IGSF10: variants seen among roughly 807,000 people sequenced by gnomAD.
IGSF10 encodes immunoglobulin superfamily member 10.
Under a neutral mutation model 128.2 loss-of-function variants are expected in IGSF10, and 126 were observed. The observed-to-expected ratio is 0.98, with a 90% CI of 0.85 to 1.14. IGSF10 has a LOEUF of 1.14. Among genes scored for constraint, IGSF10 ranks in the 50% most tolerant of loss-of-function variants. The pLI is 0.00. For missense variants in IGSF10, 3,295 were observed against 3,149.8 expected (o/e 1.05, Z -1.10); for synonymous variants, 1,185 against 1,146.2 (o/e 1.03, Z -0.68).
chr3:151,489,036 C>G, the IGSF10 span, among the ~76,000 whole-genome samples: 14 of 152,278 alleles, frequency 9.2e-5, no homozygotes, highest in Admixed American at 7.9e-4. Context: ...AATGAACAAG[C>G]AACCTACATA....
the IGSF10 span, among the ~76,000 whole-genome samples, chr3:151,551,818 T>C: frequency 2.0e-5 from 3 of 152,188 alleles, no homozygotes; most frequent in Admixed American, 6.5e-5. Flanking sequence ...ATTTCAAGAA[T>C]TTTAAGTTAC....
the IGSF10 span, among the ~76,000 whole-genome samples, chr3:151,614,689 GA>G: frequency 6.6e-6 from 1 of 151,906 alleles, no homozygotes; most frequent in African/African-American, 2.4e-5. Flanking sequence ...GGAGAGGGGG[GA>G]GGGATAGCAT....
chr3:151,496,441 C>A, the IGSF10 span, among the ~76,000 whole-genome samples: 1 of 144,862 alleles, frequency 6.9e-6, no homozygotes, highest in Non-Finnish European at 1.5e-5. Flanking sequence ...TGAGAACATG[C>A]GGTGTTTGGT....
chr3:151,606,014 C>T, the IGSF10 span, among the ~76,000 whole-genome samples: 3 of 152,192 alleles, frequency 2.0e-5, no homozygotes, highest in Non-Finnish European at 4.4e-5. Flanking sequence ...CCAGAGACCA[C>T]TATTGGGAAT....
the IGSF10 span, among the ~76,000 whole-genome samples, chr3:151,524,070 T>C: frequency 6.6e-6 from 1 of 152,070 alleles, no homozygotes; most frequent in Non-Finnish European, 1.5e-5. Flanking sequence ...TCACTGATTA[T>C]TAGAGAAATG....
At chr3:151,580,654 G>C in the IGSF10 span, among the ~76,000 whole-genome samples, 1 of 152,014 alleles carries the variant, frequency 6.6e-6, no homozygotes. Context: ...ACTAACAAAA[G>C]ACCTTCAGCA....
the IGSF10 span, among the ~76,000 whole-genome samples, chr3:151,517,418 A>G: frequency 5.8e-3 from 884 of 152,066 alleles, 8 homozygotes; most frequent in African/African-American, 0.02. Context: ...AACTCTTGGT[A>G]TTATCCTCCT....
At chr3:151,457,196 T>C in intron 3 of IGSF10, 41 bp from the exon 4 acceptor site, 1 of 1,601,140 alleles carries the variant, frequency 6.2e-7, no homozygotes, top group Non-Finnish European at 8.5e-7. Context: ...GCTAAGTCTG[T>C]CAACTAAAGT....
At chr3:151,442,850 G>C (rs761726550) in intron 7 of IGSF10, 134 bp downstream of exon 7, 4 of 614,818 alleles carry the variant, frequency 6.5e-6, no homozygotes, top group African/African-American at 1.8e-5. Context: ...TTTTTTGAGA[G>C]AGTTTCCTTT....
intron 2 of IGSF10, among the ~76,000 whole-genome samples, chr3:151,459,767 T>C (rs1314091949): frequency 6.6e-6 from 1 of 152,216 alleles, no homozygotes; most frequent in African/African-American, 2.4e-5. Flanking sequence ...AAACTCTTTA[T>C]TGTGCTTTTC....
chr3:151,610,913 C>T, the IGSF10 span, among the ~76,000 whole-genome samples: 1 of 152,086 alleles, frequency 6.6e-6, no homozygotes, highest in African/African-American at 2.4e-5. Flanking sequence ...CATAAAGGTC[C>T]CACCACTTAA....
the IGSF10 span, among the ~76,000 whole-genome samples, chr3:151,609,187 T>C: frequency 6.6e-6 from 1 of 151,914 alleles, no homozygotes; most frequent in African/African-American, 2.4e-5. Context: ...GAAACAGCAA[T>C]AGCAAAGGAC....
the IGSF10 span, among the ~76,000 whole-genome samples, chr3:151,510,471 C>A: frequency 6.6e-6 from 1 of 152,248 alleles, no homozygotes. Context: ...ATCTGTACGT[C>A]ACCATCAAAG....
At chr3:151,560,707 C>CT in the IGSF10 span, among the ~76,000 whole-genome samples, 2 of 151,624 alleles carry the variant, frequency 1.3e-5, no homozygotes, top group South Asian at 2.1e-4. Context: ...CCATAGCCCC[C>CT]CCCTCCGTCC....
chr3:151,581,520 T>C, the IGSF10 span, among the ~76,000 whole-genome samples: 1 of 152,202 alleles, frequency 6.6e-6, no homozygotes, highest in Admixed American at 6.5e-5. Flanking sequence ...GAGTTCTTAT[T>C]AGTGGAATGA....
chr3:151,505,876 G>T, the IGSF10 span, among the ~76,000 whole-genome samples: 1 of 152,132 alleles, frequency 6.6e-6, no homozygotes, highest in Admixed American at 6.5e-5. Flanking sequence ...TCCCAAAGGT[G>T]CAAATTAAGC....
chr3:151,454,104 G>A lies in IGSF10; in HGVS notation c.325-330C>T, dbSNP rs141195529. ...GTGATCTCTGCTTACTGCAACCTCCGCCTCCTGGTTTGAAGCGATTCTCCT... is the reference window on the plus strand; with the variant it reads ...GTGATCTCTGCTTACTGCAACCTCCACCTCCTGGTTTGAAGCGATTCTCCT... On this transcript the variant is annotated intron_variant, in intron 4 of 7. Transcript: ENST00000282466. 9.2e-3 allele frequency among the ~76,000 whole-genome samples: 1,370 copies of A among 148,618 alleles called. 15 individuals are homozygous for A. The highest frequency in any genetic ancestry group is 0.032 in the African/African-American group (1,271 of 40,254).
At chr3:151,470,546 T>C in the IGSF10 span, among the ~76,000 whole-genome samples, 1 of 152,186 alleles carries the variant, frequency 6.6e-6, no homozygotes, top group Non-Finnish European at 1.5e-5. Flanking sequence ...AGCAGGCTGT[T>C]GGCCAAATAA....
chr3:151,460,209 C>A (rs918485559), intron 2 of IGSF10, 52 bp downstream of exon 2: 33 of 484,384 alleles, frequency 6.8e-5, no homozygotes, highest in African/African-American at 6.7e-4. Context: ...ATAAGGGATT[C>A]TCACAAACGT....
Sources: gnomAD v4.1 joint callset for allele counts (sites outside exome capture counted in the v4.1 genomes callset) on GRCh38, gnomAD v4.1.1 for gene constraint, MANE v1.5 for transcripts, NCBI Gene and HGNC (gene_info 2026-07-23, HGNC 2026-07-21) for gene names.